SLC14A2: variants seen among roughly 807,000 people sequenced by gnomAD.
SLC14A2 encodes the protein urea transporter 2.
SLC14A2 carries 91 observed loss-of-function variants against 104.6 expected under a neutral mutation model. The ratio of observed to expected loss-of-function variants is 0.87; its 90% confidence interval spans 0.73 to 1.04. The LOEUF (loss-of-function observed/expected upper bound fraction) is 1.04, where lower values mean the gene tolerates loss of function less well. Among genes scored for constraint, SLC14A2 ranks in the 50% least tolerant of loss-of-function variants. The probability of loss-of-function intolerance (pLI) is 0.00; values close to 1 mark genes in which losing one functional copy is unlikely to be tolerated. For synonymous variants in SLC14A2, 476 were observed against 466.4 expected (o/e 1.02, Z -0.27); for missense variants, 1,189 against 1,156.0 (o/e 1.03, Z -0.41).
chr18:45,297,937 A>G (rs2084932572), intron 1 of SLC14A2, among the ~76,000 whole-genome samples: 1 of 152,206 alleles, frequency 6.6e-6, no homozygotes, highest in South Asian at 2.1e-4. Context: ...AAATGTGACA[A>G]GCCACTCACT....
At chr18:45,399,224 A>G (rs1043107992) in intron 1 of SLC14A2, among the ~76,000 whole-genome samples, 69 of 152,306 alleles carry the variant, frequency 4.5e-4, no homozygotes, top group African/African-American at 1.6e-3. Context: ...TTCTGAGTTT[A>G]TGCTACACCT....
At chr18:45,270,612 T>C (rs746747120) in intron 1 of SLC14A2, among the ~76,000 whole-genome samples, 3 of 152,154 alleles carry the variant, frequency 2.0e-5, no homozygotes, top group Non-Finnish European at 4.4e-5. Context: ...TGCAATAAGC[T>C]GTTAGCTTGT....
intron 1 of SLC14A2, among the ~76,000 whole-genome samples, chr18:45,357,306 A>G (rs1217185954): frequency 1.3e-5 from 2 of 148,208 alleles, no homozygotes; most frequent in Admixed American, 6.7e-5. Context: ...TTGAGGGGGA[A>G]ATACGGTGGA....
intron 1 of SLC14A2, among the ~76,000 whole-genome samples, chr18:45,371,380 C>A (rs1019319929): frequency 2.0e-5 from 3 of 152,108 alleles, no homozygotes; most frequent in African/African-American, 4.8e-5. Context: ...TAATATCTAG[C>A]CCCATACTAT....
chr18:45,214,086 T>C (rs2083986277), intron 1 of SLC14A2, among the ~76,000 whole-genome samples: 1 of 152,340 alleles, frequency 6.6e-6, no homozygotes, highest in South Asian at 2.1e-4. Flanking sequence ...CATTGCTAGA[T>C]AGATTTGGCC....
intron 2 of SLC14A2, among the ~76,000 whole-genome samples, chr18:45,599,595 G>A (rs2044760026): frequency 6.6e-6 from 1 of 152,210 alleles, no homozygotes; most frequent in Non-Finnish European, 1.5e-5. Flanking sequence ...CCAGAGTGCA[G>A]GGAGCATGAC....
At chr18:45,554,184 C>T (rs558151334) in intron 2 of SLC14A2, among the ~76,000 whole-genome samples, 37 of 152,192 alleles carry the variant, frequency 2.4e-4, no homozygotes, top group African/African-American at 6.0e-4. Context: ...CTGGCTTCCA[C>T]GTGATATGAG....
chr18:45,508,206 G>C (rs2043313236), intron 2 of SLC14A2, among the ~76,000 whole-genome samples: 1 of 152,168 alleles, frequency 6.6e-6, no homozygotes, highest in Non-Finnish European at 1.5e-5. Flanking sequence ...TCTTCACTTG[G>C]GTTCTTGCTG....
chr18:45,442,820 A>C (rs1210993756), intron 1 of SLC14A2, among the ~76,000 whole-genome samples: 1 of 152,170 alleles, frequency 6.6e-6, no homozygotes, highest in Non-Finnish European at 1.5e-5. Context: ...TCATTTGCTA[A>C]AGATTTATCT....
intron 1 of SLC14A2, among the ~76,000 whole-genome samples, chr18:45,389,543 G>A (rs918873426): frequency 6.6e-6 from 1 of 152,140 alleles, no homozygotes; most frequent in African/African-American, 2.4e-5. Flanking sequence ...ACTTCAACCA[G>A]CCTTCTTTCT....
intron 4 of SLC14A2, among the ~76,000 whole-genome samples, chr18:45,631,455 C>T (rs554942362): frequency 2.0e-5 from 3 of 152,338 alleles, no homozygotes; most frequent in African/African-American, 7.2e-5. Flanking sequence ...GGTGCATACA[C>T]CAGCTTCTCC....
the SLC14A2 span, among the ~76,000 whole-genome samples, chr18:45,195,395 A>AT: frequency 3.3e-5 from 5 of 150,952 alleles, no homozygotes; most frequent in African/African-American, 7.3e-5. Context: ...GGGAATAAGA[A>AT]TTTTTTTTTT....
chr18:45,495,956 C>G (rs868560173), intron 2 of SLC14A2, among the ~76,000 whole-genome samples: 2 of 152,218 alleles, frequency 1.3e-5, no homozygotes, highest in African/African-American at 4.8e-5. Context: ...CCCAAAGGCA[C>G]TTTAGCAATT....
At chr18:45,218,072 A>T (rs1352697812) in intron 1 of SLC14A2, among the ~76,000 whole-genome samples, 1 of 152,196 alleles carries the variant, frequency 6.6e-6, no homozygotes, top group Non-Finnish European at 1.5e-5. Flanking sequence ...TGTACAGTTC[A>T]TGGGCATTAA....
intron 2 of SLC14A2, among the ~76,000 whole-genome samples, chr18:45,492,428 G>A (rs967557999): frequency 6.6e-6 from 1 of 152,186 alleles, no homozygotes; most frequent in Non-Finnish European, 1.5e-5. Context: ...TGCTGTACAT[G>A]GCAGCAAGTG....
intron 1 of SLC14A2, among the ~76,000 whole-genome samples, chr18:45,398,830 G>C (rs534285653): frequency 6.6e-6 from 1 of 152,206 alleles, no homozygotes; most frequent in Admixed American, 6.5e-5. Flanking sequence ...GAAGTGTAGA[G>C]AGAGAATAAA....
intron 1 of SLC14A2, among the ~76,000 whole-genome samples, chr18:45,375,140 T>C (rs1312958388): frequency 2.0e-5 from 3 of 152,254 alleles, no homozygotes; most frequent in African/African-American, 7.2e-5. Context: ...GGGAGGAACT[T>C]AGTTCATAGT....
the SLC14A2 span, among the ~76,000 whole-genome samples, chr18:45,207,262 G>A: frequency 6.6e-6 from 1 of 151,220 alleles, no homozygotes; most frequent in East Asian, 2.0e-4. Context: ...AGGAAAGGGA[G>A]AGATGGAGAC....
chr18:45,531,163 T>G (rs1406370323), intron 2 of SLC14A2, among the ~76,000 whole-genome samples: 2 of 152,218 alleles, frequency 1.3e-5, no homozygotes, highest in African/African-American at 4.8e-5. Flanking sequence ...TAAACATACG[T>G]GTGCATGTGT....
Sources: allele counts gnomAD v4.1 joint callset (sites outside exome capture counted in the v4.1 genomes callset), GRCh38; gene constraint gnomAD v4.1.1; transcripts MANE v1.5; gene names NCBI Gene and HGNC (gene_info 2026-07-23, HGNC 2026-07-21).